The following SEMA3A variants were observed in gnomAD, a reference collection of about 807,000 sequenced individuals.
SEMA3A encodes the protein semaphorin-3A.
SEMA3A carries 29 observed loss-of-function variants against 97.9 expected under a neutral mutation model. The ratio of observed to expected loss-of-function variants is 0.30; its 90% CI spans 0.22 to 0.40. The LOEUF is 0.40. SEMA3A is among the 10% of genes least tolerant of loss of function. The probability of loss-of-function intolerance (pLI) is 1.00; values close to 1 mark genes in which losing one functional copy is unlikely to be tolerated. For synonymous variants in SEMA3A, 321 were observed against 323.7 expected (o/e 0.99, Z 0.09); for missense variants, 763 against 951.3 (o/e 0.80, Z 2.60).
Position 84,447,199 on chromosome 7 carries a change from G to A in SEMA3A, c.-246+45261C>T, listed in dbSNP as rs564535328. Among the ~76,000 whole-genome samples, 6 of 152,336 alleles carry A rather than the reference G, an allele frequency of 3.9e-5. No individual in the cohort carries two copies. The East Asian group carries it at 7.7e-4, about 20-fold the overall frequency. On this transcript the variant is annotated intron_variant, in intron 1 of 3. Coordinates refer to the SEMA3A transcript ENST00000424555. ...CCCTCTGGTCTTTGAGTGCTGACGA[G>A]TATGGGAGGCGCGACCAATGGGAGG...
intron 3 of SEMA3A, among the ~76,000 whole-genome samples, chr7:84,208,861 T>C (rs1257380762): frequency 1.3e-5 from 2 of 152,218 alleles, no homozygotes; most frequent in Non-Finnish European, 2.9e-5. Context: ...TTCTTATTAC[T>C]GCATTATACA....
intron 1 of SEMA3A, among the ~76,000 whole-genome samples, chr7:84,422,841 C>A (rs1804637520): frequency 6.6e-6 from 1 of 151,906 alleles, no homozygotes; most frequent in South Asian, 2.1e-4. Flanking sequence ...TAGGAAGTTA[C>A]AAATTTAGAA....
chr7:84,339,607 C>T lies in SEMA3A; in HGVS notation c.-169+32217G>A, dbSNP rs186273733. On this transcript the variant is annotated intron_variant, in intron 2 of 3. Coordinates refer to the SEMA3A transcript ENST00000424555. Reference sequence around the variant, plus strand: ...AAAACTTTCCCCCATCATTGTGGTTCTGAGCACATGAAGTATGGAGTTGAA... The same window carrying T: ...AAAACTTTCCCCCATCATTGTGGTTTTGAGCACATGAAGTATGGAGTTGAA... Among the ~76,000 whole-genome samples the T allele has an allele frequency of 2.6e-3, 393 of 152,218 alleles. 3 individuals carry two copies. Among genetic ancestry groups the T allele is most frequent in the Middle Eastern group, 0.01 (3 of 294 alleles).
rs146649948 is a variant in SEMA3A at position 84,477,644 on chromosome 7, G to A, written c.-246+14816C>T. 1.9e-3 allele frequency among the ~76,000 whole-genome samples: 291 copies of A among 152,140 alleles called. 1 individual carries two copies. The highest frequency in any genetic ancestry group is 6.8e-3 in the African/African-American group (282 of 41,510). On this transcript the variant is annotated intron_variant, in intron 1 of 3. Transcript: ENST00000424555. ...TGTGTGAAAAGAAGGCCTATGTATAGTGATATAACTAAGATATATTTCCAT... is the reference window on the plus strand; with the variant it reads ...TGTGTGAAAAGAAGGCCTATGTATAATGATATAACTAAGATATATTTCCAT...
chr7:84,424,625 ATAT>A (rs369923639), intron 1 of SEMA3A, among the ~76,000 whole-genome samples: 679 of 39,932 alleles, frequency 0.017, 21 homozygotes, highest in African/African-American at 0.1. Context: ...ATAATATATA[ATAT>A]ATATACAATA....
intron 3 of SEMA3A, among the ~76,000 whole-genome samples, chr7:84,270,463 GCTTATCAGC>G (rs1255158540): frequency 6.7e-6 from 1 of 150,274 alleles, no homozygotes; most frequent in African/African-American, 2.4e-5. Flanking sequence ...TAGTTTTTTT[GCTTATCAGC>G]CTTTGGCAAT....
chr7:84,072,364 A>C (rs1321990969), intron 4 of SEMA3A, among the ~76,000 whole-genome samples: 2 of 152,044 alleles, frequency 1.3e-5, no homozygotes, highest in Non-Finnish European at 2.9e-5. Flanking sequence ...TGATTAATGT[A>C]ATGTCTCTCC....
At chr7:84,424,678 T>C (rs1411717003) in intron 1 of SEMA3A, among the ~76,000 whole-genome samples, 2 of 89,468 alleles carry the variant, frequency 2.2e-5, no homozygotes, top group African/African-American at 4.7e-5. Context: ...TTATATAATA[T>C]ATAAATATAT....
At chr7:84,299,612 C>T (rs562801672) in intron 3 of SEMA3A, among the ~76,000 whole-genome samples, 4 of 151,636 alleles carry the variant, frequency 2.6e-5, no homozygotes, top group African/African-American at 9.7e-5. Flanking sequence ...CTTAGAATTA[C>T]TTGACCATGA....
chr7:83,970,932 G>T (rs1788886092), intron 15 of SEMA3A, among the ~76,000 whole-genome samples: 1 of 152,120 alleles, frequency 6.6e-6, no homozygotes, highest in Non-Finnish European at 1.5e-5. Context: ...TTTCTCATTG[G>T]ACTCTACATG....
chr7:84,456,949 A>G (rs1805701933), intron 1 of SEMA3A, among the ~76,000 whole-genome samples: 1 of 151,816 alleles, frequency 6.6e-6, no homozygotes. Flanking sequence ...GTCAGCTAAT[A>G]AGCGATAAAG....
intron 1 of SEMA3A, among the ~76,000 whole-genome samples, chr7:84,476,796 ACAATAT>A (rs1445087273): frequency 6.6e-6 from 1 of 152,116 alleles, no homozygotes; most frequent in Non-Finnish European, 1.5e-5. Context: ...ACAAACTTGC[ACAATAT>A]CAATAATTTG....
chr7:84,136,239 C>T (rs1427631978), intron 1 of SEMA3A, among the ~76,000 whole-genome samples: 1 of 152,146 alleles, frequency 6.6e-6, no homozygotes, highest in Non-Finnish European at 1.5e-5. Flanking sequence ...GCAATGTAGA[C>T]CTGTCCTCTG....
intron 1 of SEMA3A, among the ~76,000 whole-genome samples, chr7:84,378,875 ACT>A (rs72175737): frequency 0.015 from 2,101 of 140,626 alleles, 43 homozygotes; most frequent in African/African-American, 0.05. Context: ...AAGATCCATG[ACT>A]CTCTCTCTCT....
chr7:84,488,315 T>TACAC (rs1408597815), intron 1 of SEMA3A, among the ~76,000 whole-genome samples: 5,680 of 94,092 alleles, frequency 0.06, 233 homozygotes, highest in East Asian at 0.2. Context: ...TTTCTTCGTA[T>TACAC]ATACACACAC....
chr7:84,270,642 A>G (rs1800124172), intron 3 of SEMA3A, among the ~76,000 whole-genome samples: 1 of 147,918 alleles, frequency 6.8e-6, no homozygotes, highest in Non-Finnish European at 1.5e-5. Context: ...ATTCATATAT[A>G]TGCATCTATA....
chr7:84,278,991 T>C (rs1800375449), intron 3 of SEMA3A, among the ~76,000 whole-genome samples: 1 of 152,070 alleles, frequency 6.6e-6, no homozygotes, highest in Admixed American at 6.6e-5. Flanking sequence ...CTAAATAAAA[T>C]AGGTGTTCTT....
At chr7:84,020,595 G>C (rs1791292486) in intron 6 of SEMA3A, among the ~76,000 whole-genome samples, 4 of 151,744 alleles carry the variant, frequency 2.6e-5, no homozygotes, top group Admixed American at 2.6e-4. Context: ...CTTTCCTCTT[G>C]AAACTGCTTC....
intron 1 of SEMA3A, among the ~76,000 whole-genome samples, chr7:84,398,865 C>T (rs1390336409): frequency 6.6e-6 from 1 of 152,004 alleles, no homozygotes; most frequent in East Asian, 1.9e-4. Flanking sequence ...ATTGAGGCTA[C>T]AGAACAAGAT....
Sources: allele counts gnomAD v4.1 joint callset (sites outside exome capture counted in the v4.1 genomes callset), GRCh38; gene constraint gnomAD v4.1.1; transcripts MANE v1.5; gene names NCBI Gene and HGNC (gene_info 2026-07-23, HGNC 2026-07-21).